Variants in ALK observed in about 807,000 individuals in gnomAD.
ALK encodes ALK receptor tyrosine kinase.
A neutral mutation model predicts 163.1 loss-of-function variants in ALK; 74 were observed. The ratio of observed to expected loss-of-function variants is 0.45; its 90% CI spans 0.38 to 0.55. The LOEUF (loss-of-function observed/expected upper bound fraction) is 0.55, where lower values mean the gene tolerates loss of function less well. Among genes scored for constraint, ALK ranks in the 20% least tolerant of loss-of-function variants. The probability of loss-of-function intolerance (pLI) is 0.00; values close to 1 mark genes in which losing one functional copy is unlikely to be tolerated. For missense variants in ALK, 2,063 were observed against 2,105.3 expected, an observed-to-expected ratio of 0.98 and a Z score of 0.39; for synonymous variants, 960 against 843.2, an observed-to-expected ratio of 1.14 and a Z score of -2.40.
chr2:29,740,234 T>C (rs906265922), intron 1 of ALK, among the ~76,000 whole-genome samples: 4 of 152,086 alleles, frequency 2.6e-5, no homozygotes, highest in African/African-American at 9.7e-5. Context: ...AACAGAGCTC[T>C]ATCAGCTTCA....
Position 29,888,264 on chromosome 2 carries a change from A to ATTTTTTTTT in ALK, c.667+31728_667+31729insAAAAAAAAA, listed in dbSNP as rs1401782243. Among the ~76,000 whole-genome samples the ATTTTTTTTT allele has an allele frequency of 3.4e-3, 483 of 142,268 alleles. 7 individuals are homozygous for ATTTTTTTTT. Among genetic ancestry groups the ATTTTTTTTT allele is most frequent in the African/African-American group, 0.012 (455 of 37,702 alleles). The allele number at this position is 142,268 out of a possible 152,430, so 93.3% of individuals were successfully genotyped here. A position where few individuals can be genotyped will look rare whatever the true frequency, so the allele number is the denominator to read the frequency against. On this transcript the variant is annotated intron_variant, in intron 1 of 28. Coordinates refer to ENST00000389048, the MANE Select transcript of ALK (RefSeq NM_004304.5). ...ATAAATTGTTTTTTTTTTTTTTTAA[A>ATTTTTTTTT]AAAAGGGAAACTATGTATTAAGCTA...
rs564021731 is a variant in ALK at position 29,439,271 on chromosome 2, C to G, written c.1155-55412G>C. Among the ~76,000 whole-genome samples, 4 of 152,146 alleles carry G rather than the reference C, an allele frequency of 2.6e-5. No homozygotes were observed. In the South Asian group the frequency reaches 6.2e-4, roughly 24 times the overall value. On this transcript the variant is annotated intron_variant, in intron 4 of 28. Transcript: ENST00000389048. Reference sequence around the variant, plus strand: ...AATTGTCAAGGACTGCCTGAGCTGACAAATTATGTATTCTCATATTATTTT... The same window carrying G: ...AATTGTCAAGGACTGCCTGAGCTGAGAAATTATGTATTCTCATATTATTTT...
intron 4 of ALK, among the ~76,000 whole-genome samples, chr2:29,470,864 G>A (rs1233506543): frequency 6.6e-6 from 1 of 152,122 alleles, no homozygotes; most frequent in Admixed American, 6.6e-5. Context: ...TATAATAATA[G>A]TGTCTTCAGA....
At chr2:29,431,420 A>G (rs1017986021) in intron 4 of ALK, among the ~76,000 whole-genome samples, 1 of 152,184 alleles carries the variant, frequency 6.6e-6, no homozygotes, top group Non-Finnish European at 1.5e-5. Flanking sequence ...ACTGATTCGA[A>G]TTTTAGCTAA....
chr2:29,654,677 G>A lies in ALK; in HGVS notation c.952+40173C>T, dbSNP rs376083305. Among the ~76,000 whole-genome samples the A allele has an allele frequency of 8.4e-4, 128 of 152,238 alleles. 1 individual carries two copies. The South Asian group carries it at 0.025, about 30-fold the overall frequency. Reference sequence around the variant, plus strand: ...AAGATGGAAATTTTAGAGGTCTAATGTAACTCTCCAGGCATATTGAAAGAT... The same window carrying A: ...AAGATGGAAATTTTAGAGGTCTAATATAACTCTCCAGGCATATTGAAAGAT... On this transcript the variant is annotated intron_variant, in intron 3 of 28. Transcript: ENST00000389048.
chr2:29,862,507 T>G (rs1279240788), intron 1 of ALK, among the ~76,000 whole-genome samples: 1 of 152,092 alleles, frequency 6.6e-6, no homozygotes, highest in Non-Finnish European at 1.5e-5. Flanking sequence ...AATAATGAAC[T>G]ATCTGAAAAA....
intron 1 of ALK, among the ~76,000 whole-genome samples, chr2:29,859,564 G>T (rs1010969595): frequency 6.6e-6 from 1 of 152,156 alleles, no homozygotes; most frequent in Non-Finnish European, 1.5e-5. Flanking sequence ...CGGCAAAACC[G>T]CAGGTGGAAG....
At chr2:29,583,403 G>A (rs1478654726) in intron 3 of ALK, among the ~76,000 whole-genome samples, 2 of 151,992 alleles carry the variant, frequency 1.3e-5, no homozygotes, top group Non-Finnish European at 2.9e-5. Context: ...GGTCAATGGG[G>A]AATTTTGCAG....
chr2:29,689,790 C>T (rs1006447432), intron 3 of ALK, among the ~76,000 whole-genome samples: 1 of 152,190 alleles, frequency 6.6e-6, no homozygotes, highest in African/African-American at 2.4e-5. Flanking sequence ...GGCCTTCAAT[C>T]CGATAACACA....
rs796793271 is a variant in ALK at position 29,354,874 on chromosome 2, C to T, written c.1283-26393G>A. Among the ~76,000 whole-genome samples, 90 of 151,490 alleles carry T rather than the reference C, an allele frequency of 5.9e-4. 1 individual carries two copies. The highest frequency in any genetic ancestry group is 2.0e-3 in the African/African-American group (82 of 41,318). On this transcript the variant is annotated intron_variant, in intron 5 of 28. Coordinates refer to ENST00000389048, the MANE Select transcript of ALK (RefSeq NM_004304.5). ...CTCCACCTCCCAGGTTCACACCATT[C>T]TCCTGCCTCAGCCTCCCAAGTAGCT...
At chr2:29,814,907 C>T (rs1177109875) in intron 1 of ALK, among the ~76,000 whole-genome samples, 2 of 151,476 alleles carry the variant, frequency 1.3e-5, no homozygotes, top group East Asian at 1.9e-4. Context: ...ATGTTAGTGG[C>T]AGTAGTCGTG....
intron 6 of ALK, among the ~76,000 whole-genome samples, chr2:29,326,705 A>T (rs1280663782): frequency 2.0e-5 from 3 of 152,242 alleles, no homozygotes; most frequent in Non-Finnish European, 4.4e-5. Context: ...CTTCACTTGA[A>T]AGTTTTGTAT....
chr2:29,517,949 A>C (rs902676080), intron 4 of ALK, among the ~76,000 whole-genome samples: 1 of 152,208 alleles, frequency 6.6e-6, no homozygotes, highest in Non-Finnish European at 1.5e-5. Flanking sequence ...TGAGACCACC[A>C]AGTCAAACTC....
chr2:29,372,932 A>G (rs1418467145), intron 5 of ALK, among the ~76,000 whole-genome samples: 1 of 152,180 alleles, frequency 6.6e-6, no homozygotes, highest in Admixed American at 6.5e-5. Context: ...CTAAAGTGAC[A>G]TTTCTCTGAT....
At chr2:29,322,239 G>A (rs1472418316) in intron 6 of ALK, among the ~76,000 whole-genome samples, 4 of 152,238 alleles carry the variant, frequency 2.6e-5, no homozygotes, top group Non-Finnish European at 5.9e-5. Flanking sequence ...GGCTGTGACA[G>A]CACCTTAGTG....
chr2:29,195,044 G>GA (rs991798885), intron 28 of ALK, among the ~76,000 whole-genome samples: 1 of 152,130 alleles, frequency 6.6e-6, no homozygotes, highest in African/African-American at 2.4e-5. Flanking sequence ...CTGAGTAACA[G>GA]AAAAACACGA....
chr2:29,568,903 T>C (rs1674272592), intron 3 of ALK, among the ~76,000 whole-genome samples: 1 of 152,110 alleles, frequency 6.6e-6, no homozygotes, highest in Admixed American at 6.5e-5. Flanking sequence ...TTGTGTATGG[T>C]CTGTAGGAGG....
chr2:29,623,987 A>G (rs1440208401), intron 3 of ALK, among the ~76,000 whole-genome samples: 1 of 152,252 alleles, frequency 6.6e-6, no homozygotes, highest in Non-Finnish European at 1.5e-5. Flanking sequence ...ACACAGACAC[A>G]TGAAGCTGAA....
intron 11 of ALK, 36 bp from the exon 12 acceptor site, chr2:29,251,303 C>A (rs2148197824): frequency 6.2e-7 from 1 of 1,600,212 alleles, no homozygotes; most frequent in Non-Finnish European, 8.5e-7. Context: ...ACTCATGTGG[C>A]CAGGCCCTCC....
Sources: allele counts gnomAD v4.1 joint callset (sites outside exome capture counted in the v4.1 genomes callset), GRCh38; gene constraint gnomAD v4.1.1; transcripts MANE v1.5; gene names NCBI Gene and HGNC (gene_info 2026-07-23, HGNC 2026-07-21).